The following MTPAP variants were observed in gnomAD, a reference collection of about 807,000 sequenced individuals.
MTPAP encodes mitochondrial poly(A) polymerase.
Under a neutral mutation model 48.7 loss-of-function variants are expected in MTPAP, and 23 were observed. The ratio of observed to expected loss-of-function variants is 0.47; its 90% CI spans 0.34 to 0.67. The LOEUF is 0.67. Among genes scored for constraint, MTPAP ranks in the 30% least tolerant of loss-of-function variants. MTPAP has a pLI of 0.01. For synonymous variants in MTPAP, 257 were observed against 254.1 expected (o/e 1.01, Z -0.11); for missense variants, 614 against 694.3 (o/e 0.88, Z 1.30).
chr10:30,328,391 A>G (rs1834624537), intron 4 of MTPAP, among the ~76,000 whole-genome samples: 1 of 152,236 alleles, frequency 6.6e-6, no homozygotes, highest in African/African-American at 2.4e-5. Context: ...ACTTGTCCGT[A>G]TCTACTGAAA....
At chr10:30,340,507 AT>A (rs1834790457) in intron 2 of MTPAP, 57 bp from the exon 3 acceptor site, 1 of 669,184 alleles carries the variant, frequency 1.5e-6, no homozygotes, top group Non-Finnish European at 2.4e-6. Flanking sequence ...CTAACATACT[AT>A]TTTAGCTCAT....
intron 6 of MTPAP, among the ~76,000 whole-genome samples, chr10:30,317,255 C>T (rs1335838909): frequency 6.6e-6 from 1 of 152,088 alleles, no homozygotes; most frequent in East Asian, 1.9e-4. Context: ...GGGAGTTCCC[C>T]CATCTTTCAC....
At chr10:30,315,082 T>C (rs1840645576) in intron 8 of MTPAP, among the ~76,000 whole-genome samples, 1 of 152,138 alleles carries the variant, frequency 6.6e-6, no homozygotes, top group Admixed American at 6.6e-5. Context: ...CTAACTTATT[T>C]CATGCTTGGC....
chr10:30,344,205 C>A (rs752992978), intron 1 of MTPAP, among the ~76,000 whole-genome samples: 1 of 152,110 alleles, frequency 6.6e-6, no homozygotes, highest in Non-Finnish European at 1.5e-5. Flanking sequence ...TATACCATTT[C>A]TTTCTGTTGT....
chr10:30,342,382 T>C (rs79333839), intron 1 of MTPAP, among the ~76,000 whole-genome samples: 3,701 of 152,320 alleles, frequency 0.024, 160 homozygotes, highest in African/African-American at 0.084. Context: ...CACAGTTGAC[T>C]GTGAGGAACC....
At chr10:30,344,446 G>A (rs940014372) in intron 1 of MTPAP, among the ~76,000 whole-genome samples, 1 of 152,136 alleles carries the variant, frequency 6.6e-6, no homozygotes, top group South Asian at 2.1e-4. Context: ...AATTCATAGT[G>A]TTATATTTAT....
intron 5 of MTPAP, among the ~76,000 whole-genome samples, chr10:30,323,128 CAAAAAAAAAAAAAA>C (rs201987154): frequency 3.5e-5 from 3 of 86,520 alleles, no homozygotes; most frequent in East Asian, 3.6e-4. Context: ...GACTCCGTTT[CAAAAAAAAAAAAAA>C]AAAAAAAAGA....
Position 30,316,000 on chromosome 10 carries a change from T to G in MTPAP, c.1349A>C (p.Asn450Thr). Residue 450 changes from asparagine (N) to threonine (T), a missense_variant, in exon 8 of 9, where the codon AAT (asparagine) becomes ACT (threonine). Coordinates refer to ENST00000263063, the MANE Select transcript of MTPAP (RefSeq NM_018109.4). Reference protein sequence around the residue: ...LLKEFFEYFGNFAFDKNSINI... With the variant: ...LLKEFFEYFGTFAFDKNSINI... The stretch of plus-strand genomic sequence containing the variant: ...TATGGAATTTTTATCGAAAGCAAAA[T>G]TGCCAAAATACTCAAAAAATTCCTT... 1.2e-6 allele frequency: 2 copies of G among 1,608,540 alleles called. No individual in the cohort carries two copies. Among genetic ancestry groups the G allele is most frequent in the Non-Finnish European group, 1.7e-6 (2 of 1,176,164 alleles).
intron 1 of MTPAP, among the ~76,000 whole-genome samples, chr10:30,344,206 T>C (rs891001865): frequency 2.0e-5 from 3 of 152,202 alleles, no homozygotes; most frequent in Non-Finnish European, 4.4e-5. Flanking sequence ...ATACCATTTC[T>C]TTCTGTTGTA....
At position 30,332,918 on chromosome 10, in the gene MTPAP, G is replaced by A. The variant is rs968642635; in HGVS notation, c.780+3885C>T. On this transcript the variant is annotated intron_variant, in intron 4 of 8. Transcript: ENST00000263063. ...AGGCAGATCACGAGGTCAGGAGATC[G>A]AGACCATCCTGGCTAACACGGTGAA... Among the ~76,000 whole-genome samples, 11 of 151,952 alleles carry A rather than the reference G, an allele frequency of 7.2e-5. No homozygotes were observed. The East Asian group carries it at 1.8e-3, about 24-fold the overall frequency.
intron 1 of MTPAP, among the ~76,000 whole-genome samples, chr10:30,342,292 T>C (rs1834820014): frequency 6.6e-6 from 1 of 152,136 alleles, no homozygotes; most frequent in Non-Finnish European, 1.5e-5. Flanking sequence ...AATTCTAATA[T>C]ACTGTAATAA....
intron 3 of MTPAP, among the ~76,000 whole-genome samples, chr10:30,337,526 G>C (rs1834743895): frequency 6.6e-6 from 1 of 152,046 alleles, no homozygotes; most frequent in Non-Finnish European, 1.5e-5. Context: ...TATGAGGCAA[G>C]GAGTTTGAGA....
At chr10:30,323,872 A>C (rs1273234907) in intron 5 of MTPAP, among the ~76,000 whole-genome samples, 1 of 152,170 alleles carries the variant, frequency 6.6e-6, no homozygotes, top group Non-Finnish European at 1.5e-5. Context: ...TAAAACACAC[A>C]AAGGCGCTTT....
chr10:30,312,951 T>TG lies in MTPAP; in HGVS notation c.*657_*658insC, dbSNP rs1364925934. ...AAGAATGCAGTGACTGAAATGTCTG[T>TG]TCTAAAAACATAAACATTTTTTGAT... On this transcript the variant is annotated 3_prime_UTR_variant, in exon 9 of 9. Coordinates refer to ENST00000263063, the MANE Select transcript of MTPAP (RefSeq NM_018109.4). 1 of 152,340 alleles carries TG rather than the reference T, an allele frequency of 6.6e-6. No individual in the cohort carries two copies. The highest frequency in any genetic ancestry group is 1.5e-5 in the Non-Finnish European group (1 of 68,128). 9.4% of individuals were successfully genotyped at this position (152,340 alleles called of 1,614,324 possible).
At position 30,319,090 on chromosome 10, in the gene MTPAP, C is replaced by T. The variant is rs111940615; in HGVS notation, c.1220-2880G>A. Among the ~76,000 whole-genome samples, 594 of 152,038 alleles carry T rather than the reference C, an allele frequency of 3.9e-3. 2 individuals carry two copies. Among genetic ancestry groups the T allele is most frequent in the African/African-American group, 0.014 (564 of 41,458 alleles). ...TGGGAGGGGGAGGCTGGGAGAAGGCCATTTCAGGCAAAAGCATGGAGCAAT... is the reference window on the plus strand; with the variant it reads ...TGGGAGGGGGAGGCTGGGAGAAGGCTATTTCAGGCAAAAGCATGGAGCAAT... On this transcript the variant is annotated intron_variant, in intron 6 of 8. Coordinates refer to ENST00000263063, the MANE Select transcript of MTPAP (RefSeq NM_018109.4).
In MTPAP at chr10:30,331,789, A is replaced by G. The variant is rs146692235; in HGVS notation, c.780+5014T>C. ...ACCACATTGGCCAGGCTGGCCTTGA[A>G]CTCCTGACCTCAGGTGATCCGCCCA... On this transcript the variant is annotated intron_variant, in intron 4 of 8. Coordinates refer to ENST00000263063, the MANE Select transcript of MTPAP (RefSeq NM_018109.4). Among the ~76,000 whole-genome samples the G allele has an allele frequency of 4.3e-4, 65 of 152,122 alleles. 1 individual carries two copies. In the East Asian group the frequency reaches 0.011, roughly 25 times the overall value.
intron 6 of MTPAP, among the ~76,000 whole-genome samples, chr10:30,319,262 T>C (rs1840695353): frequency 6.6e-6 from 1 of 152,208 alleles, no homozygotes; most frequent in African/African-American, 2.4e-5. Flanking sequence ...GTTTGGTCTT[T>C]AGCTTAGCTT....
At chr10:30,335,987 G>A (rs1834726845) in intron 4 of MTPAP, among the ~76,000 whole-genome samples, 1 of 152,078 alleles carries the variant, frequency 6.6e-6, no homozygotes, top group Non-Finnish European at 1.5e-5. Context: ...TCCAGGCTGG[G>A]CGACAGAGTG....
chr10:30,324,321 G>A (rs547989627), intron 5 of MTPAP, among the ~76,000 whole-genome samples: 68 of 151,926 alleles, frequency 4.5e-4, no homozygotes, highest in Non-Finnish European at 8.7e-4. Flanking sequence ...ACCACCCTAG[G>A]TAACATAGTA....
Sources: gnomAD v4.1 joint callset for allele counts (sites outside exome capture counted in the v4.1 genomes callset) on GRCh38, gnomAD v4.1.1 for gene constraint, MANE v1.5 for transcripts, NCBI Gene and HGNC (gene_info 2026-07-23, HGNC 2026-07-21) for gene names.